The following FGFBP2 variants were observed in gnomAD, a reference collection of about 807,000 sequenced individuals.
The protein encoded by FGFBP2 is fibroblast growth factor binding protein 2.
In FGFBP2, 7 loss-of-function variants were observed where a neutral mutation model predicts 7.3. The observed-to-expected ratio is 0.96, with a 90% confidence interval of 0.55 to 1.81. The LOEUF (loss-of-function observed/expected upper bound fraction) is 1.81, where lower values mean the gene tolerates loss of function less well. FGFBP2 is among the 40% of genes most tolerant of loss of function. The probability of loss-of-function intolerance (pLI) is 0.00; values close to 1 mark genes in which losing one functional copy is unlikely to be tolerated. For synonymous variants in FGFBP2, 131 were observed against 110.2 expected (o/e 1.19, Z -1.18); for missense variants, 291 against 280.1 (o/e 1.04, Z -0.28).
rs149749646 is a variant in FGFBP2 at position 15,961,505 on chromosome 4, C to T, written c.*21-894G>A. 1.2e-4 allele frequency among the ~76,000 whole-genome samples: 18 copies of T among 152,226 alleles called. No individual in the cohort carries two copies. The East Asian group carries it at 3.1e-3, about 26-fold the overall frequency. On this transcript the variant is annotated intron_variant, in intron 1 of 1. Transcript: ENST00000259989. ...CTGCCTGGGCGCTTGTAGAAAAAGC[C>T]TTATTTGTTTGGTGGTATTCGTTAT... is the stretch of plus-strand genomic sequence containing the variant.
intron 1 of FGFBP2, among the ~76,000 whole-genome samples, chr4:15,961,339 C>G (rs954045953): frequency 4.0e-5 from 6 of 151,846 alleles, no homozygotes; most frequent in African/African-American, 1.5e-4. Flanking sequence ...AAAAAAAGGA[C>G]CTCCTCTCAA....
intron 1 of FGFBP2, 74 bp downstream of exon 1, chr4:15,962,364 G>A (rs575425785): frequency 7.8e-7 from 1 of 1,282,234 alleles, no homozygotes; most frequent in South Asian, 1.8e-5. Flanking sequence ...AAAGTGCTAA[G>A]TGCCTCTCAC....
intron 1 of FGFBP2, among the ~76,000 whole-genome samples, chr4:15,960,836 G>T (rs1428993562): frequency 1.3e-5 from 2 of 152,062 alleles, no homozygotes; most frequent in African/African-American, 4.8e-5. Flanking sequence ...CAGTGTGAAT[G>T]GTATCCTAAC....
chr4:15,961,834 G>T (rs959373349), intron 1 of FGFBP2, among the ~76,000 whole-genome samples: 1 of 152,082 alleles, frequency 6.6e-6, no homozygotes, highest in Non-Finnish European at 1.5e-5. Context: ...ACAATTAAAG[G>T]CTTTGAGAGC....
chr4:15,962,419 G>C lies in FGFBP2; in HGVS notation c.*20+19C>G. 1 of 1,514,536 alleles carries C rather than the reference G, an allele frequency of 6.6e-7. No individual in the cohort carries two copies. The highest frequency in any genetic ancestry group is 8.8e-7 in the Non-Finnish European group (1 of 1,131,102). 93.8% of individuals were successfully genotyped at this position (1,514,536 alleles called of 1,614,324 possible). A position where few individuals can be genotyped will look rare whatever the true frequency, so the allele number is the denominator to read the frequency against. ...ATATACACGTAGTCTCTGTATATGAGTAAAGGAAAGGGTATTACCTGTAGG... is the reference window on the plus strand; with the variant it reads ...ATATACACGTAGTCTCTGTATATGACTAAAGGAAAGGGTATTACCTGTAGG... On this transcript the variant is annotated intron_variant, in intron 1 of 1. Transcript: ENST00000259989.
chr4:15,962,450 T>G lies in FGFBP2; in HGVS notation c.*8A>C. 6.5e-7 allele frequency: 1 copy of G among 1,545,672 alleles called. No homozygotes were observed. Among genetic ancestry groups the G allele is most frequent in the South Asian group, 1.2e-5 (1 of 80,280 alleles). ...GAAAGGGTATTACCTGTAGGGGTCT[T>G]TCACCTGTCACCCTCGGAAGAAGCT... On this transcript the variant is annotated 3_prime_UTR_variant, in exon 1 of 2. Transcript: ENST00000259989.
At chr4:15,961,167 A>C (rs1049397190) in intron 1 of FGFBP2, among the ~76,000 whole-genome samples, 2 of 152,158 alleles carry the variant, frequency 1.3e-5, no homozygotes, top group Non-Finnish European at 2.9e-5. Context: ...GCATGGATGG[A>C]TGTCTAAATG....
chr4:15,962,948 A>T lies in FGFBP2; in HGVS notation c.182T>A (p.Val61Asp). ...GQGAGEVWLR[V>D]DCRNTDQTYW... The stretch of plus-strand genomic sequence containing the variant: ...GGTCTGGTCTGTGTTGCGGCAGTCG[A>T]CACGAAGCCAGACTTCTCCAGCACC... The change falls in exon 1 of 2, where the codon GTC becomes GAC. Residue 61 changes from valine to aspartate, a missense_variant. Coordinates refer to ENST00000259989, the MANE Select transcript of FGFBP2 (RefSeq NM_031950.4). The T allele has an allele frequency of 6.2e-7, 1 of 1,609,076 alleles. No individual in the cohort carries two copies. The highest frequency in any genetic ancestry group is 8.5e-7 in the Non-Finnish European group (1 of 1,178,702).
At chr4:15,962,311 C>G in intron 1 of FGFBP2, 127 bp downstream of exon 1, 1 of 851,230 alleles carries the variant, frequency 1.2e-6, no homozygotes, top group Non-Finnish European at 1.7e-6. Flanking sequence ...CAAACCCACC[C>G]CCAAACACAC....
chr4:15,962,680 C>T lies in FGFBP2; in HGVS notation c.450G>A (p.Leu150=). Reference sequence around the variant, plus strand: ...TGAGTTTCACTGTGGCCTTGGGCCTCAGAGATGGCGTCCCAGCCTCAGGCT... The same window carrying T: ...TGAGTTTCACTGTGGCCTTGGGCCTTAGAGATGGCGTCCCAGCCTCAGGCT... ...NQQPEAGTPS[L]RPKATVKLTE... Residue 150 remains leucine (L), a synonymous_variant, in exon 1 of 2, where the codon CTG becomes CTA. Transcript: ENST00000259989. The T allele has an allele frequency of 1.2e-6, 2 of 1,614,174 alleles. No homozygotes were observed. Among genetic ancestry groups the T allele is most frequent in the South Asian group, 2.2e-5 (2 of 91,084 alleles).
chr4:15,962,591 C>G lies in FGFBP2; in HGVS notation c.539G>C (p.Arg180Pro), dbSNP rs145734233. The G allele has an allele frequency of 2.8e-5, 45 of 1,613,970 alleles. No homozygotes were observed. Among genetic ancestry groups the G allele is most frequent in the African/African-American group, 1.5e-4 (11 of 74,906 alleles). ...AGGCTGGGTAGGTTTGGCTGTGGGT[C>G]GGGTGGTGGGTTTGGCTTTTCCCAG... is the stretch of plus-strand genomic sequence containing the variant. Reference protein sequence around the residue: ...EELGKAKPTTRPTAKPTQPGP... With the variant: ...EELGKAKPTTPPTAKPTQPGP... Residue 180 changes from arginine (R) to proline (P), a missense_variant, in exon 1 of 2, where the codon CGA (arginine) becomes CCA (proline). Coordinates refer to ENST00000259989, the MANE Select transcript of FGFBP2 (RefSeq NM_031950.4).
At chr4:15,961,002 G>C (rs1713070069) in intron 1 of FGFBP2, among the ~76,000 whole-genome samples, 1 of 152,224 alleles carries the variant, frequency 6.6e-6, no homozygotes, top group Non-Finnish European at 1.5e-5. Flanking sequence ...TATTTCTGCT[G>C]TTTAAGCCAC....
rs1396140373 is a variant in FGFBP2, at chr4:15,962,616, G to C, written c.514C>G (p.Leu172Val). Residue 172 changes from leucine to valine, a missense_variant, in exon 1 of 2, where the codon CTG (leucine) becomes GTG (valine). Leu to Val is a conservative substitution (Grantham distance 32). Transcript: ENST00000259989. ...CGGGTGGTGGGTTTGGCTTTTCCCA[G>C]CTCTTCCATCGAGTCCTTTCCCAGC... ...TQLGKDSMEE[L>V]GKAKPTTRPT... 3 of 1,614,194 alleles carry C rather than the reference G, an allele frequency of 1.9e-6. No homozygotes were observed. The highest frequency in any genetic ancestry group is 1.1e-5 in the South Asian group (1 of 91,086).
At chr4:15,961,177 G>A (rs536437511) in intron 1 of FGFBP2, among the ~76,000 whole-genome samples, 10 of 152,134 alleles carry the variant, frequency 6.6e-5, no homozygotes, top group Non-Finnish European at 1.2e-4. Context: ...ATGTCTAAAT[G>A]GGTACTCTTC....
chr4:15,962,342 G>A (rs1475078518), intron 1 of FGFBP2, 96 bp downstream of exon 1: 10 of 1,083,286 alleles, frequency 9.2e-6, no homozygotes, highest in African/African-American at 1.6e-5. Flanking sequence ...TGATGTGGTC[G>A]CAGCAGCTGT....
At position 15,963,021 on chromosome 4, in the gene FGFBP2, T is replaced by G. The variant is rs745626344; in HGVS notation, c.109A>C (p.Thr37Pro). 6.2e-7 allele frequency: 1 copy of G among 1,614,094 alleles called. No homozygotes were observed. ...ATAGTGCAGGAATCTCTCCCTCCAG[T>G]CTGGAAATGGAATTCCTCCCCAGTG... ...GSTGEEFHFQTGGRDSCTMRP... is the reference protein window; with the variant it reads ...GSTGEEFHFQPGGRDSCTMRP... The change falls in exon 1 of 2, where the codon ACT becomes CCT. Residue 37 changes from threonine (T) to proline (P), a missense_variant. Coordinates refer to ENST00000259989, the MANE Select transcript of FGFBP2 (RefSeq NM_031950.4).
chr4:15,961,583 T>A (rs903596968), intron 1 of FGFBP2, among the ~76,000 whole-genome samples: 1 of 152,186 alleles, frequency 6.6e-6, no homozygotes, highest in African/African-American at 2.4e-5. Flanking sequence ...CTTACATAGA[T>A]AATATGAAAA....
At position 15,962,559 on chromosome 4, in the gene FGFBP2, T is replaced by C. The variant is rs746702876; in HGVS notation, c.571A>G (p.Arg191Gly). The change falls in exon 1 of 2, where the codon AGG (arginine) becomes GGG (glycine). Residue 191 changes from arginine to glycine, a missense_variant. Physicochemically the swap from Arg to Gly is moderately radical, Grantham distance 125. Coordinates refer to ENST00000259989, the MANE Select transcript of FGFBP2 (RefSeq NM_031950.4). ...PTAKPTQPGP[R>G]PGGNEEAKKK... ...TTTGCTTCCTCATTCCCTCCGGGCC[T>C]GGGTCCAGGCTGGGTAGGTTTGGCT... The C allele has an allele frequency of 1.9e-6, 3 of 1,614,034 alleles. No homozygotes were observed. Among genetic ancestry groups the C allele is most frequent in the South Asian group, 1.1e-5 (1 of 91,070 alleles).
intron 1 of FGFBP2, 37 bp downstream of exon 1, chr4:15,962,401 C>A (rs557997936): frequency 7.5e-6 from 11 of 1,466,480 alleles, no homozygotes; most frequent in Non-Finnish European, 1.0e-5. Context: ...AGTATATACA[C>A]GTAGTCTCTG....
Sources: allele counts gnomAD v4.1 joint callset (sites outside exome capture counted in the v4.1 genomes callset), GRCh38; gene constraint gnomAD v4.1.1; transcripts MANE v1.5; gene names NCBI Gene and HGNC (gene_info 2026-07-23, HGNC 2026-07-21).